The following FMN2 variants were observed in gnomAD, a reference collection of about 807,000 sequenced individuals.
The protein encoded by FMN2 is formin-2.
A neutral mutation model predicts 142.3 loss-of-function variants in FMN2; 51 were observed. The observed-to-expected ratio is 0.36, with a 90% CI of 0.29 to 0.45. FMN2 has a LOEUF of 0.45. Among genes scored for constraint, FMN2 ranks in the 20% least tolerant of loss-of-function variants. FMN2 has a pLI of 1.00. For missense variants in FMN2, 1,936 were observed against 2,122.8 expected (o/e 0.91, Z 1.73); for synonymous variants, 882 against 869.8 (o/e 1.01, Z -0.25).
chr1:240,362,163 C>T (rs1039577164), intron 14 of FMN2, among the ~76,000 whole-genome samples: 20 of 152,206 alleles, frequency 1.3e-4, no homozygotes, highest in Admixed American at 3.9e-4. Flanking sequence ...GCTCTTATTG[C>T]GGGACAACTG....
intron 7 of FMN2, among the ~76,000 whole-genome samples, chr1:240,269,258 A>T (rs10082088): frequency 6.6e-6 from 1 of 151,638 alleles, no homozygotes; most frequent in Non-Finnish European, 1.5e-5. Flanking sequence ...TTTTGTGTAT[A>T]TATAGATGTA....
rs202165125 is a variant in FMN2 at position 240,207,943 on chromosome 1, C to G, written c.3131C>G (p.Pro1044Arg). 2.2e-4 allele frequency: 155 copies of G among 707,758 alleles called. No homozygotes were observed. The highest frequency in any genetic ancestry group is 3.0e-4 in the South Asian group (16 of 52,570). The allele number at this position is 707,758 out of a possible 1,614,324, so 43.8% of individuals were successfully genotyped here. A position where few individuals can be genotyped will look rare whatever the true frequency, so the allele number is the denominator to read the frequency against. ...PPLPGAGIPPPPPLPGAGIPP... is the reference protein window; with the variant it reads ...PPLPGAGIPPRPPLPGAGIPP... ...CTTCCCGGAGCGGGCATACCCCCTCCGCCCCCACTTCCCGGAGCGGGCATA... is the reference window on the plus strand; with the variant it reads ...CTTCCCGGAGCGGGCATACCCCCTCGGCCCCCACTTCCCGGAGCGGGCATA... The change falls in exon 5 of 18, where the codon CCG becomes CGG. Residue 1044 changes from proline (P) to arginine (R), a missense_variant. Transcript: ENST00000319653.
chr1:240,175,435 G>A (rs370531255), intron 2 of FMN2, among the ~76,000 whole-genome samples: 5 of 151,998 alleles, frequency 3.3e-5, no homozygotes, highest in African/African-American at 9.7e-5. Context: ...ATCATTTTAC[G>A]GTATCACTAA....
chr1:240,313,636 A>G (rs1558427518), intron 8 of FMN2, among the ~76,000 whole-genome samples: 1 of 152,082 alleles, frequency 6.6e-6, no homozygotes, highest in Non-Finnish European at 1.5e-5. Flanking sequence ...AAAATATGAT[A>G]TAAGATATTT....
At position 240,177,967 on chromosome 1, in the gene FMN2, C is replaced by T. The variant is rs1664990963; in HGVS notation, c.1829C>T (p.Ser610Leu). 3.7e-6 allele frequency: 6 copies of T among 1,611,020 alleles called. No individual in the cohort carries two copies. The highest frequency in any genetic ancestry group is 2.2e-5 in the East Asian group (1 of 44,758). The part of the protein sequence containing the change: ...TWAAVSQPTH[S>L]LDYSEGQFPR... ...GCTGCAGTTAGTCAACCCACACACT[C>T]ATTGGACTATTCAGAAGGGCAGTTT... Residue 610 changes from serine (S) to leucine (L), a missense_variant, in exon 3 of 18, where the codon TCA becomes TTA. This residue lies in a region of FMN2 where 478 missense variants were observed against 462.8 expected (regional missense o/e 1.03). Transcript: ENST00000319653.
chr1:240,367,490 C>CG (rs774896839), intron 14 of FMN2, among the ~76,000 whole-genome samples: 6 of 151,988 alleles, frequency 3.9e-5, no homozygotes, highest in South Asian at 2.1e-4. Flanking sequence ...AGAAATCCGG[C>CG]GGGGGGCAGT....
chr1:240,222,956 C>G (rs1428907457), intron 6 of FMN2, among the ~76,000 whole-genome samples: 2 of 152,110 alleles, frequency 1.3e-5, no homozygotes, highest in East Asian at 1.9e-4. Context: ...AATTTGACTT[C>G]CTATTTGAAT....
chr1:240,420,558 A>AG (rs1335569104), intron 15 of FMN2, among the ~76,000 whole-genome samples: 3 of 152,106 alleles, frequency 2.0e-5, no homozygotes, highest in Non-Finnish European at 4.4e-5. Context: ...GTAGCTTCTG[A>AG]GGGGGCGGGC....
At chr1:240,237,290 A>G (rs941735804) in intron 6 of FMN2, among the ~76,000 whole-genome samples, 17 of 152,180 alleles carry the variant, frequency 1.1e-4, no homozygotes, top group Non-Finnish European at 2.2e-4. Context: ...AACTTAGAAA[A>G]CAGTCAGGGA....
intron 7 of FMN2, among the ~76,000 whole-genome samples, chr1:240,291,096 G>C (rs995154074): frequency 6.6e-6 from 1 of 152,126 alleles, no homozygotes; most frequent in African/African-American, 2.4e-5. Context: ...TTACAGGCGT[G>C]AGCCACCACA....
chr1:240,356,787 G>A (rs980420112), intron 14 of FMN2, among the ~76,000 whole-genome samples: 1 of 152,178 alleles, frequency 6.6e-6, no homozygotes, highest in African/African-American at 2.4e-5. Flanking sequence ...GGTTGTTCAA[G>A]TGTCATTAAT....
intron 14 of FMN2, among the ~76,000 whole-genome samples, chr1:240,389,186 A>T (rs1673521388): frequency 6.6e-6 from 1 of 152,210 alleles, no homozygotes; most frequent in South Asian, 2.1e-4. Context: ...GTTTATTAAT[A>T]GTTGATTATC....
At chr1:240,260,753 TTTAA>T (rs1668598331) in intron 7 of FMN2, among the ~76,000 whole-genome samples, 1 of 152,220 alleles carries the variant, frequency 6.6e-6, no homozygotes, top group Admixed American at 6.5e-5. Context: ...AGCTCTTTAG[TTTAA>T]TTAAGTCCCA....
At chr1:240,136,998 AG>A (rs1474255000) in intron 2 of FMN2, among the ~76,000 whole-genome samples, 2 of 145,926 alleles carry the variant, frequency 1.4e-5, no homozygotes, top group African/African-American at 2.6e-5. Context: ...TGAACCCAAG[AG>A]GCGGACATTG....
In FMN2 at chr1:240,415,892, C is replaced by T. The variant is rs552552353; in HGVS notation, c.4911-22169C>T. Among the ~76,000 whole-genome samples, 69 of 152,270 alleles carry T rather than the reference C, an allele frequency of 4.5e-4. 1 individual carries two copies. The South Asian group carries it at 0.013, about 29-fold the overall frequency. On this transcript the variant is annotated intron_variant, in intron 15 of 17. Transcript: ENST00000319653. ...AGAATACAACAATGTTAGATATATT[C>T]GTTTTGGAAGATACCTTTCCCCCAG... is the stretch of plus-strand genomic sequence containing the variant.
At chr1:240,159,662 G>A (rs1664177780) in intron 2 of FMN2, among the ~76,000 whole-genome samples, 1 of 151,998 alleles carries the variant, frequency 6.6e-6, no homozygotes, top group South Asian at 2.1e-4. Flanking sequence ...AACAGAGTGT[G>A]GGGAGAACCT....
At position 240,361,383 on chromosome 1, in the gene FMN2, T is replaced by G. The variant is rs1572230692; in HGVS notation, c.4858+5475T>G. ...AGTTTCCCAGTGATCAAGGGATCGG[T>G]GGAGGCAGATTGGACTTGGAAGCAG... On this transcript the variant is annotated intron_variant, in intron 14 of 17. Coordinates refer to ENST00000319653, the MANE Select transcript of FMN2 (RefSeq NM_020066.5). Among the ~76,000 whole-genome samples the G allele has an allele frequency of 5.3e-5, 8 of 151,678 alleles. 1 individual carries two copies. The South Asian group carries it at 1.5e-3, about 28-fold the overall frequency.
intron 16 of FMN2, among the ~76,000 whole-genome samples, chr1:240,452,210 A>T (rs954667185): frequency 1.3e-5 from 2 of 152,086 alleles, no homozygotes; most frequent in African/African-American, 2.4e-5. Flanking sequence ...AATAAATAAA[A>T]AATTTAGTTA....
At chr1:240,186,063 G>A (rs1048209330) in intron 3 of FMN2, among the ~76,000 whole-genome samples, 1 of 152,138 alleles carries the variant, frequency 6.6e-6, no homozygotes, top group Non-Finnish European at 1.5e-5. Context: ...TGTATTTTAA[G>A]GCCAGTTGTT....
Sources: gnomAD v4.1 joint callset for allele counts (sites outside exome capture counted in the v4.1 genomes callset) on GRCh38, gnomAD v4.1.1 for gene constraint, gnomAD v4.1.1 regional missense constraint, MANE v1.5 for transcripts, NCBI Gene and HGNC (gene_info 2026-07-23, HGNC 2026-07-21) for gene names.